SYCP2: variants seen among roughly 807,000 people sequenced by gnomAD.
The protein encoded by SYCP2 is synaptonemal complex protein 2, also known as synaptonemal complex lateral element protein.
A neutral mutation model predicts 211.3 loss-of-function variants in SYCP2; 55 were observed. That is an observed-to-expected ratio of 0.26 (90% CI 0.21 to 0.33). The LOEUF (loss-of-function observed/expected upper bound fraction) is 0.33, where lower values mean the gene tolerates loss of function less well. Ranked by LOEUF, SYCP2 falls within the 10% of genes least tolerant of loss-of-function variation. SYCP2 has a pLI of 1.00. For missense variants in SYCP2, 1,731 were observed against 1,752.0 expected (o/e 0.99, Z 0.21); for synonymous variants, 570 against 555.2 (o/e 1.03, Z -0.37).
chr20:59,881,803 G>C, intron 28 of SYCP2, 142 bp downstream of exon 28: 1 of 566,210 alleles, frequency 1.8e-6, no homozygotes, highest in Non-Finnish European at 2.8e-6. Flanking sequence ...ACGTAGGCTG[G>C]TTATCCAAAA....
intron 24 of SYCP2, among the ~76,000 whole-genome samples, chr20:59,890,975 A>T (rs1051206296): frequency 5.9e-5 from 9 of 152,006 alleles, no homozygotes; most frequent in African/African-American, 2.2e-4. Context: ...ATATGATTAA[A>T]GAAGAAAACA....
intron 24 of SYCP2, among the ~76,000 whole-genome samples, chr20:59,887,085 C>T (rs2059805579): frequency 6.6e-6 from 1 of 151,890 alleles, no homozygotes; most frequent in Admixed American, 6.6e-5. Flanking sequence ...ATGTGCCATG[C>T]CAGTGTGCTG....
chr20:59,901,230 A>T (rs1042745053), intron 16 of SYCP2, among the ~76,000 whole-genome samples: 1 of 152,050 alleles, frequency 6.6e-6, no homozygotes, highest in Non-Finnish European at 1.5e-5. Flanking sequence ...TTCAAAGGCC[A>T]TTTCAAGTCC....
intron 12 of SYCP2, among the ~76,000 whole-genome samples, chr20:59,912,654 T>C (rs1023418172): frequency 6.6e-6 from 1 of 152,202 alleles, no homozygotes; most frequent in Admixed American, 6.5e-5. Context: ...ACTAAAATGA[T>C]TGCACCAAAT....
At chr20:59,867,454 T>TA (rs11476334) in intron 39 of SYCP2, among the ~76,000 whole-genome samples, 1,039 of 101,958 alleles carry the variant, frequency 0.01, 2 homozygotes, top group Middle Eastern at 0.021. Context: ...AACTGTCCAG[T>TA]AAAAAAAAAA....
intron 2 of SYCP2, among the ~76,000 whole-genome samples, chr20:59,925,941 T>G (rs1353756525): frequency 6.6e-6 from 1 of 152,030 alleles, no homozygotes; most frequent in Non-Finnish European, 1.5e-5. Flanking sequence ...CAGAGAACTG[T>G]GGAAATAATA....
intron 7 of SYCP2, among the ~76,000 whole-genome samples, chr20:59,917,836 G>A (rs1031715402): frequency 6.6e-6 from 1 of 152,126 alleles, no homozygotes; most frequent in Non-Finnish European, 1.5e-5. Context: ...ATTTACTATT[G>A]AAAATTTGTT....
In SYCP2 at chr20:59,868,446, T is replaced by C; in HGVS notation, c.3955A>G (p.Lys1319Glu). 6.2e-7 allele frequency: 1 copy of C among 1,611,004 alleles called. No homozygotes were observed. The highest frequency in any genetic ancestry group is 2.2e-5 in the East Asian group (1 of 44,746). Residue 1319 changes from lysine to glutamate, a missense_variant, in exon 38 of 45, where the codon AAA (lysine) becomes GAA (glutamate). By Grantham distance (56) the Lys-to-Glu change is moderately conservative (BLOSUM62 1). This residue lies in a region of SYCP2 where 1,387 missense variants were observed against 1,351.3 expected (regional missense o/e 1.03). Coordinates refer to ENST00000357552, the MANE Select transcript of SYCP2 (RefSeq NM_014258.4). Reference sequence around the variant, plus strand: ...ATATGATGATCTGCATCTTCAATTTTACACAGTTTTTTGGGAAGCAAGTTT... The same window carrying C: ...ATATGATGATCTGCATCTTCAATTTCACACAGTTTTTTGGGAAGCAAGTTT... ...RANLLPKKLC[K>E]IEDADHHIHK... is the part of the protein sequence containing the mutation.
At chr20:59,896,387 TTAAAA>T in intron 19 of SYCP2, 37 bp downstream of exon 19, 1 of 1,183,004 alleles carries the variant, frequency 8.5e-7, no homozygotes, top group South Asian at 1.4e-5. Flanking sequence ...AATGCCTCCT[TTAAAA>T]TAATTGTTAG....
In SYCP2 at chr20:59,900,213, G is replaced by A; in HGVS notation, c.1329C>T (p.Ser443=). The part of the protein sequence containing the change: ...ELVSLKEKSK[S]PKEFAKPSKY... ...TTGAAGGTTTAGCAAATTCCTTTGGGGACTTTGATTTTTCCTTTAAACTAA... is the reference window on the plus strand; with the variant it reads ...TTGAAGGTTTAGCAAATTCCTTTGGAGACTTTGATTTTTCCTTTAAACTAA... The change falls in exon 18 of 45, where the codon TCC becomes TCT. Residue 443 remains serine (S), a synonymous_variant. Transcript: ENST00000357552. 1.2e-6 allele frequency: 2 copies of A among 1,612,808 alleles called. No individual in the cohort carries two copies. Among genetic ancestry groups the A allele is most frequent in the Non-Finnish European group, 8.5e-7 (1 of 1,179,460 alleles).
chr20:59,930,441 G>C (rs575704632), intron 2 of SYCP2, among the ~76,000 whole-genome samples: 1 of 152,296 alleles, frequency 6.6e-6, no homozygotes, highest in South Asian at 2.1e-4. Flanking sequence ...TGCAAAGCAA[G>C]AACACAGATG....
chr20:59,907,214 G>A, intron 15 of SYCP2, 150 bp downstream of exon 15: 1 of 610,166 alleles, frequency 1.6e-6, no homozygotes, highest in Non-Finnish European at 2.9e-6. Context: ...GGAAACATGG[G>A]ATCAAGGTGT....
At position 59,872,264 on chromosome 20, in the gene SYCP2, T is replaced by C. The variant is rs1240335005; in HGVS notation, c.3555+1592A>G. On this transcript the variant is annotated intron_variant, in intron 35 of 44. Transcript: ENST00000357552. ...AAGTTTCAAATTGTGCACAATTCTG[T>C]GTGGTGCCATGAAATCTCTGGCCAT... Among the ~76,000 whole-genome samples, 3 of 151,948 alleles carry C rather than the reference T, an allele frequency of 2.0e-5. No homozygotes were observed. The East Asian group carries it at 5.8e-4, about 29-fold the overall frequency.
intron 22 of SYCP2, 31 bp downstream of exon 22, chr20:59,893,111 C>T (rs1420884278): frequency 1.3e-6 from 2 of 1,492,294 alleles, no homozygotes. Flanking sequence ...TTAGTATAGA[C>T]TAAATGATTT....
intron 14 of SYCP2, among the ~76,000 whole-genome samples, chr20:59,910,098 G>C (rs1055683484): frequency 6.6e-6 from 1 of 152,106 alleles, no homozygotes; most frequent in African/African-American, 2.4e-5. Flanking sequence ...AACAGCCAGA[G>C]ACCAGGCCAC....
intron 26 of SYCP2, among the ~76,000 whole-genome samples, chr20:59,882,638 A>AT (rs2059708144): frequency 6.6e-6 from 1 of 152,140 alleles, no homozygotes; most frequent in South Asian, 2.1e-4. Context: ...AGCAACATGG[A>AT]TGTAACTGGA....
chr20:59,898,323 T>TGC (rs949630122), intron 18 of SYCP2, among the ~76,000 whole-genome samples: 8 of 152,136 alleles, frequency 5.3e-5, no homozygotes, highest in Admixed American at 3.9e-4. Flanking sequence ...CCAACCCAAA[T>TGC]GCCCATCAAT....
intron 3 of SYCP2, 28 bp from the exon 4 acceptor site, chr20:59,921,481 C>G (rs1203281044): frequency 1.3e-6 from 2 of 1,522,028 alleles, no homozygotes; most frequent in South Asian, 2.6e-5. Flanking sequence ...ATGGCACATA[C>G]TGTATCAAAA....
chr20:59,877,435 C>T lies in SYCP2; in HGVS notation c.3100G>A (p.Glu1034Lys). 1 of 1,601,354 alleles carries T rather than the reference C, an allele frequency of 6.2e-7. No homozygotes were observed. Among genetic ancestry groups the T allele is most frequent in the Admixed American group, 1.7e-5 (1 of 57,180 alleles). Residue 1034 changes from glutamate to lysine, a missense_variant, in exon 33 of 45, where the codon GAG becomes AAG. Glu to Lys is a moderately conservative substitution (Grantham distance 56, BLOSUM62 1). Coordinates refer to ENST00000357552, the MANE Select transcript of SYCP2 (RefSeq NM_014258.4). ...GAATGTGAAAATTCTTGTTCACACT[C>T]TGATTCTGAATTTGAGAGATCTTTA... ...NYKDLSNSES[E>K]CEQEFSHSFK...
Sources: gnomAD v4.1 joint callset for allele counts (sites outside exome capture counted in the v4.1 genomes callset) on GRCh38, gnomAD v4.1.1 for gene constraint, gnomAD v4.1.1 regional missense constraint, MANE v1.5 for transcripts, NCBI Gene and HGNC (gene_info 2026-07-23, HGNC 2026-07-21) for gene names.